FOCAD: variants seen among roughly 807,000 people sequenced by gnomAD.
FOCAD encodes the protein focadhesin, also known as KIAA1797.
FOCAD carries 198 observed loss-of-function variants against 225.6 expected under a neutral mutation model. The ratio of observed to expected loss-of-function variants is 0.88; its 90% CI spans 0.78 to 0.99. FOCAD has a LOEUF of 0.99. FOCAD is among the 50% of genes least tolerant of loss of function. FOCAD has a pLI of 0.00. For synonymous variants in FOCAD, 897 were observed against 755.0 expected (o/e 1.19, Z -3.08); for missense variants, 2,713 against 2,123.6 (o/e 1.28, Z -5.46).
intron 24 of FOCAD, among the ~76,000 whole-genome samples, chr9:20,919,332 A>G (rs1003727291): frequency 1.3e-5 from 2 of 152,230 alleles, no homozygotes; most frequent in African/African-American, 4.8e-5. Flanking sequence ...AACAAATGGA[A>G]GAACATTCCA....
In FOCAD at chr9:20,879,643, C is replaced by T. The variant is rs576313125; in HGVS notation, c.2318-2228C>T. ...TTTGTGTCCTACGAATTTTCAGCTTCTTTTTAAATTCCCATCTGGTCATTG... is the reference window on the plus strand; with the variant it reads ...TTTGTGTCCTACGAATTTTCAGCTTTTTTTTAAATTCCCATCTGGTCATTG... On this transcript the variant is annotated intron_variant, in intron 19 of 43. Coordinates refer to ENST00000338382, the MANE Select transcript of FOCAD (RefSeq NM_001375567.1). 2.6e-5 allele frequency among the ~76,000 whole-genome samples: 4 copies of T among 152,230 alleles called. No homozygotes were observed. In the South Asian group the frequency reaches 8.3e-4, roughly 32 times the overall value.
At chr9:20,691,195 G>C (rs558048319) in intron 1 of FOCAD, among the ~76,000 whole-genome samples, 228 of 152,144 alleles carry the variant, frequency 1.5e-3, no homozygotes, top group African/African-American at 5.1e-3. Context: ...CACCTGCCTT[G>C]GCCTCCCAAA....
intron 1 of FOCAD, among the ~76,000 whole-genome samples, chr9:20,699,212 A>G (rs1439859516): frequency 6.6e-6 from 1 of 152,178 alleles, no homozygotes; most frequent in Non-Finnish European, 1.5e-5. Flanking sequence ...AGTAAGCCAG[A>G]TTGGGAGCAA....
At chr9:20,859,822 A>T (rs566181742) in intron 15 of FOCAD, among the ~76,000 whole-genome samples, 2 of 151,276 alleles carry the variant, frequency 1.3e-5, no homozygotes, top group East Asian at 3.9e-4. Context: ...AGCACATGTT[A>T]TATTATTCTA....
chr9:20,993,448 G>A, intron 43 of FOCAD, 120 bp downstream of exon 43: 1 of 811,400 alleles, frequency 1.2e-6, no homozygotes, highest in Non-Finnish European at 2.0e-6. Flanking sequence ...CTTGGGACCA[G>A]AGGTGTTTTG....
intron 19 of FOCAD, among the ~76,000 whole-genome samples, chr9:20,880,874 T>A (rs1372914398): frequency 6.6e-6 from 1 of 152,216 alleles, no homozygotes; most frequent in Admixed American, 6.5e-5. Flanking sequence ...TGTTTTTTGT[T>A]TTTTTGTTTG....
chr9:20,832,136 A>G (rs1385528017), intron 15 of FOCAD, among the ~76,000 whole-genome samples: 3 of 152,026 alleles, frequency 2.0e-5, no homozygotes, highest in Admixed American at 6.6e-5. Flanking sequence ...TAATGGTGCT[A>G]TGAGCCTTCA....
intron 29 of FOCAD, 144 bp from the exon 30 acceptor site, chr9:20,946,557 A>G (rs1837200463): frequency 3.8e-6 from 3 of 797,124 alleles, no homozygotes; most frequent in Non-Finnish European, 5.8e-6. Flanking sequence ...AGTTAGGCAG[A>G]AAAACAGTGC....
chr9:20,812,410 A>G (rs1823180993), intron 11 of FOCAD, among the ~76,000 whole-genome samples: 1 of 152,096 alleles, frequency 6.6e-6, no homozygotes, highest in East Asian at 1.9e-4. Context: ...ATTTATAAGT[A>G]GATAACACTA....
rs190505494 is a variant in FOCAD at position 20,881,067 on chromosome 9, A to C, written c.2318-804A>C. Among the ~76,000 whole-genome samples the C allele has an allele frequency of 7.2e-5, 11 of 152,348 alleles. No homozygotes were observed. In the East Asian group the frequency reaches 2.1e-3, roughly 29 times the overall value. On this transcript the variant is annotated intron_variant, in intron 19 of 43. Coordinates refer to ENST00000338382, the MANE Select transcript of FOCAD (RefSeq NM_001375567.1). ...GGCTTAATTAGAAAGAACACAAGCA[A>C]AGATAGTGGACAAATATCTCATTTT...
intron 11 of FOCAD, among the ~76,000 whole-genome samples, chr9:20,790,273 A>G (rs1022754903): frequency 6.6e-6 from 1 of 152,114 alleles, no homozygotes; most frequent in African/African-American, 2.4e-5. Context: ...TCTCCAATTG[A>G]TAGAATCTCT....
At chr9:20,723,172 T>C (rs1825918647) in intron 4 of FOCAD, among the ~76,000 whole-genome samples, 1 of 152,224 alleles carries the variant, frequency 6.6e-6, no homozygotes, top group African/African-American at 2.4e-5. Flanking sequence ...GTGGGTAACC[T>C]TGGTTATTTT....
chr9:20,736,789 G>A (rs1309666727), intron 4 of FOCAD, among the ~76,000 whole-genome samples: 1 of 152,022 alleles, frequency 6.6e-6, no homozygotes. Flanking sequence ...TTATGAAGAC[G>A]AGGATGTTGA....
chr9:20,736,423 T>C (rs1023423395), intron 4 of FOCAD, among the ~76,000 whole-genome samples: 1 of 152,178 alleles, frequency 6.6e-6, no homozygotes, highest in African/African-American at 2.4e-5. Flanking sequence ...CTTTATGAAA[T>C]CATACAGAAT....
chr9:20,720,434 C>T lies in FOCAD; in HGVS notation c.187C>T (p.Arg63Ter), dbSNP rs781347830. The part of the protein sequence containing the change: ...EKCCSDNVVV[R>*]TACCEGLVAL... The stretch of plus-strand genomic sequence containing the variant: ...GTGTTGCAGTGACAATGTAGTGGTT[C>T]GAACAGCCTGCTGTGAAGGTCTGGT... Residue 63 changes from arginine (R) to a stop codon, truncating the protein, a stop_gained, in exon 4 of 44, where the codon CGA becomes TGA. Transcript: ENST00000338382. LOFTEE classifies it high-confidence loss of function. The T allele has an allele frequency of 6.2e-6, 10 of 1,614,012 alleles. No individual in the cohort carries two copies. The highest frequency in any genetic ancestry group is 1.1e-5 in the South Asian group (1 of 91,070).
upstream of FOCAD, among the ~76,000 whole-genome samples, chr9:20,680,302 G>A (rs978601913): frequency 6.6e-6 from 1 of 152,208 alleles, no homozygotes; most frequent in Non-Finnish European, 1.5e-5. Flanking sequence ...GCTCATGCCT[G>A]TAATCCCAGC....
intron 2 of FOCAD, among the ~76,000 whole-genome samples, chr9:20,679,068 A>G (rs1822318638): frequency 6.6e-6 from 1 of 150,810 alleles, no homozygotes; most frequent in Non-Finnish European, 1.5e-5. Flanking sequence ...CGGGTGAGTG[A>G]GCTGGGCAGG....
intron 36 of FOCAD, 38 bp downstream of exon 36, chr9:20,976,586 T>G (rs1452358392): frequency 1.9e-6 from 3 of 1,600,906 alleles, no homozygotes; most frequent in Non-Finnish European, 2.6e-6. Context: ...AGACTTTGAT[T>G]TTAGTATTTG....
rs561704376 is a variant in FOCAD, at chr9:20,722,212, T to A, written c.287+1678T>A. The stretch of plus-strand genomic sequence containing the variant: ...TGTGTGCCAGCATGCCTGGCTTGGT[T>A]TTTCTTTTCCTTTTGCAGTCTGTGG... On this transcript the variant is annotated intron_variant, in intron 4 of 43. Coordinates refer to ENST00000338382, the MANE Select transcript of FOCAD (RefSeq NM_001375567.1). Among the ~76,000 whole-genome samples, 3 of 151,608 alleles carry A rather than the reference T, an allele frequency of 2.0e-5. No homozygotes were observed. In the East Asian group the frequency reaches 5.9e-4, roughly 30 times the overall value.
Sources: gnomAD v4.1 joint callset for allele counts (sites outside exome capture counted in the v4.1 genomes callset) on GRCh38, gnomAD v4.1.1 for gene constraint, MANE v1.5 for transcripts, NCBI Gene and HGNC (gene_info 2026-07-23, HGNC 2026-07-21) for gene names.